CPNE2: variants seen among roughly 807,000 people sequenced by gnomAD.
CPNE2 encodes copine-2.
A neutral mutation model predicts 69.7 loss-of-function variants in CPNE2; 42 were observed. That is an observed-to-expected ratio of 0.60 (90% confidence interval 0.47 to 0.78). The LOEUF (loss-of-function observed/expected upper bound fraction) is 0.78. Ranked by LOEUF, CPNE2 falls within the 30% of genes least tolerant of loss-of-function variation. CPNE2 has a pLI of 0.00. For synonymous variants in CPNE2, 294 were observed against 289.8 expected, an observed-to-expected ratio of 1.01 and a Z score of -0.15; for missense variants, 587 against 732.0, an observed-to-expected ratio of 0.80 and a Z score of 2.29.
chr16:57,107,554 G>A (rs2145241816), intron 1 of CPNE2, among the ~76,000 whole-genome samples: 1 of 152,298 alleles, frequency 6.6e-6, no homozygotes, highest in East Asian at 1.9e-4. Context: ...GAGGAGGAGT[G>A]GACCCAGCAT....
chr16:57,141,443 T>G (rs1473636707), intron 14 of CPNE2: 1 of 152,260 alleles, frequency 6.6e-6, no homozygotes, highest in Non-Finnish European at 1.5e-5. Context: ...ACCCAGGCTG[T>G]GTGACCTCAG....
chr16:57,117,352 C>T, intron 4 of CPNE2, 144 bp from the exon 5 acceptor site: 2 of 720,468 alleles, frequency 2.8e-6, no homozygotes, highest in Non-Finnish European at 4.7e-6. Flanking sequence ...GTGGGGAAGA[C>T]AAGAGATTTG....
At chr16:57,097,555 C>A (rs1321291391) in intron 1 of CPNE2, among the ~76,000 whole-genome samples, 1 of 152,210 alleles carries the variant, frequency 6.6e-6, no homozygotes, top group African/African-American at 2.4e-5. Flanking sequence ...CTCTAGTTAG[C>A]AGCAGCTCCA....
Position 57,092,854 on chromosome 16 carries a change from G to A in CPNE2, c.-36+64G>A, listed in dbSNP as rs1335850136. On this transcript the variant is annotated intron_variant, in intron 1 of 15. Transcript: ENST00000290776. This position sits in a 1 kb window ranked among gnomAD's most constrained non-coding sequence, Gnocchi z 5.3. ...GTGCCCAACTTCGGCCTTGGGGCTG[G>A]GCTCTTTGATCCAGCTGCGGGTCCG... 1 of 151,916 alleles carries A rather than the reference G, an allele frequency of 6.6e-6. No individual in the cohort carries two copies. Among genetic ancestry groups the A allele is most frequent in the Admixed American group, 6.5e-5 (1 of 15,268 alleles). 9.4% of individuals were successfully genotyped at this position (151,916 alleles called of 1,614,324 possible). A position where few individuals can be genotyped will look rare whatever the true frequency, so the allele number is the denominator to read the frequency against.
chr16:57,094,181 G>A, intron 1 of CPNE2: 1 of 436,440 alleles, frequency 2.3e-6, no homozygotes, highest in Non-Finnish European at 4.6e-6. Context: ...GAAGGATGTG[G>A]ACGCTTGGGT....
At chr16:57,093,538 G>C (rs4784761) in intron 1 of CPNE2, among the ~76,000 whole-genome samples, 33,644 of 151,630 alleles carry the variant, frequency 0.22, 4,826 homozygotes, top group African/African-American at 0.39. Context: ...ACGTCCCCCC[G>C]AGTTCAAGAA....
At chr16:57,099,775 A>ATTT (rs776284229) in intron 1 of CPNE2, among the ~76,000 whole-genome samples, 10 of 101,392 alleles carry the variant, frequency 9.9e-5, no homozygotes, top group East Asian at 2.7e-4. Context: ...CTAATTTTTG[A>ATTT]TTTTTTTTTT....
At chr16:57,127,785 G>A (rs1340807496) in intron 11 of CPNE2, 64 bp from the exon 12 acceptor site, 1 of 1,538,606 alleles carries the variant, frequency 6.5e-7, no homozygotes, top group Non-Finnish European at 9.0e-7. Flanking sequence ...GCCCAGCCCT[G>A]GGCAGAGGGT....
intron 1 of CPNE2, among the ~76,000 whole-genome samples, chr16:57,103,283 A>C (rs1392637743): frequency 2.0e-5 from 3 of 151,774 alleles, no homozygotes; most frequent in Non-Finnish European, 4.4e-5. Context: ...CACCTGGCTA[A>C]TTTTTTTATT....
chr16:57,108,952 C>A (rs1451599345), intron 1 of CPNE2, among the ~76,000 whole-genome samples: 2 of 152,216 alleles, frequency 1.3e-5, no homozygotes, highest in Non-Finnish European at 2.9e-5. Flanking sequence ...CATTTATACA[C>A]TCATCCTTTT....
At chr16:57,145,914 G>C (rs2069953704) in intron 14 of CPNE2, 171 bp from the exon 15 acceptor site, 1 of 626,912 alleles carries the variant, frequency 1.6e-6, no homozygotes, top group Non-Finnish European at 2.9e-6. Context: ...AGGCCTGCAG[G>C]GGTGGGGTGC....
Position 57,130,216 on chromosome 16 carries a change from T to G in CPNE2, c.1116+2313T>G, listed in dbSNP as rs1380892124. Among the ~76,000 whole-genome samples the G allele has an allele frequency of 2.6e-5, 4 of 151,862 alleles. No individual in the cohort carries two copies. Among genetic ancestry groups the G allele is most frequent in the Admixed American group, 2.0e-4 (3 of 15,238 alleles). On this transcript the variant is annotated intron_variant, in intron 12 of 15. Coordinates refer to ENST00000290776, the MANE Select transcript of CPNE2 (RefSeq NM_152727.6). This position sits in a 1 kb window ranked among gnomAD's most constrained non-coding sequence, Gnocchi z 4.1. The stretch of plus-strand genomic sequence containing the variant: ...CAACATGGTGAAACCCCGTCTCTAC[T>G]AAAAATACAAAAATTAGCTAGGTGT...
At chr16:57,094,767 C>G (rs938453405) in intron 1 of CPNE2, among the ~76,000 whole-genome samples, 18 of 152,250 alleles carry the variant, frequency 1.2e-4, no homozygotes, top group African/African-American at 4.3e-4. Flanking sequence ...CTCCCCCTCC[C>G]GTCAGGACTT....
chr16:57,096,786 C>T (rs1437899462), intron 1 of CPNE2, among the ~76,000 whole-genome samples: 2 of 151,942 alleles, frequency 1.3e-5, no homozygotes, highest in Non-Finnish European at 2.9e-5. Context: ...CATATTCCCT[C>T]CTGTGTTTTA....
At chr16:57,137,366 G>T in intron 14 of CPNE2, 84 bp downstream of exon 14, 1 of 1,534,858 alleles carries the variant, frequency 6.5e-7, no homozygotes. Context: ...CCTTCTCTTT[G>T]CTTTAAATCC....
chr16:57,113,107 T>C, intron 2 of CPNE2, 181 bp from the exon 3 acceptor site: 1 of 607,094 alleles, frequency 1.6e-6, no homozygotes, highest in Non-Finnish European at 2.9e-6. Context: ...GGAAGTCACT[T>C]AACCTCTCTG....
At chr16:57,136,958 A>G (rs1344529255) in intron 13 of CPNE2, among the ~76,000 whole-genome samples, 191 bp from the exon 14 acceptor site, 1 of 152,226 alleles carries the variant, frequency 6.6e-6, no homozygotes, top group Non-Finnish European at 1.5e-5. Context: ...CTGACTTCAC[A>G]TTCAGGGCTC....
Position 57,146,031 on chromosome 16 carries a change from A to T in CPNE2, c.1303-54A>T. 4 of 1,444,302 alleles carry T rather than the reference A, an allele frequency of 2.8e-6. No homozygotes were observed. The South Asian group carries it at 4.8e-5, about 17-fold the overall frequency. 89.5% of individuals were successfully genotyped at this position (1,444,302 alleles called of 1,614,324 possible). On this transcript the variant is annotated intron_variant, in intron 14 of 15. Coordinates refer to ENST00000290776, the MANE Select transcript of CPNE2 (RefSeq NM_152727.6). The surrounding 1 kb of genome is among the most constrained non-coding windows in gnomAD (Gnocchi z 4.4). ...GTTTGGGATGAAGGAGGGAGGGAGA[A>T]GGGGTGCCAGAGCCTCGACCTTGCT...
chr16:57,117,080 T>C (rs144796338), intron 4 of CPNE2, among the ~76,000 whole-genome samples: 1 of 152,152 alleles, frequency 6.6e-6, no homozygotes, highest in Non-Finnish European at 1.5e-5. Context: ...AGCTGTACAA[T>C]GAAGTGGCTG....
Sources: gnomAD v4.1 joint callset for allele counts (sites outside exome capture counted in the v4.1 genomes callset) on GRCh38, gnomAD v4.1.1 for gene constraint, Gnocchi (gnomAD v3.1) non-coding constraint, MANE v1.5 for transcripts, NCBI Gene and HGNC (gene_info 2026-07-23, HGNC 2026-07-21) for gene names.